TGM7: variants seen among roughly 807,000 people sequenced by gnomAD.
TGM7 encodes the protein protein-glutamine gamma-glutamyltransferase Z.
Under a neutral mutation model 79.5 loss-of-function variants are expected in TGM7, and 74 were observed. The ratio of observed to expected loss-of-function variants is 0.93; its 90% CI spans 0.77 to 1.13. The LOEUF (loss-of-function observed/expected upper bound fraction) is 1.13, where lower values mean the gene tolerates loss of function less well. Among genes scored for constraint, TGM7 ranks in the 50% most tolerant of loss-of-function variants. TGM7 has a pLI of 0.00. For synonymous variants in TGM7, 354 were observed against 362.5 expected (o/e 0.98, Z 0.27); for missense variants, 912 against 905.9 (o/e 1.01, Z -0.09).
chr15:43,296,872 G>C (rs755405808), intron 1 of TGM7, among the ~76,000 whole-genome samples: 6 of 152,130 alleles, frequency 3.9e-5, no homozygotes, highest in Admixed American at 1.3e-4. Context: ...TCATGTCAAA[G>C]AGACAATGAC....
intron 11 of TGM7, among the ~76,000 whole-genome samples, chr15:43,278,650 C>T (rs1048703680): frequency 7.9e-5 from 12 of 152,162 alleles, no homozygotes; most frequent in African/African-American, 2.2e-4. Context: ...GGCAAGGTCT[C>T]GCTATGTTGC....
intron 6 of TGM7, among the ~76,000 whole-genome samples, chr15:43,285,622 G>T (rs1248806210): frequency 6.6e-6 from 1 of 152,106 alleles, no homozygotes; most frequent in Admixed American, 6.5e-5. Flanking sequence ...GTAGGGGGAG[G>T]TATGAAAGAA....
At chr15:43,282,674 TA>T (rs2042915699) in intron 7 of TGM7, 54 bp from the exon 8 acceptor site, 1 of 1,358,778 alleles carries the variant, frequency 7.4e-7, no homozygotes. Flanking sequence ...TTTTGCCAGG[TA>T]CCAGGCACTA....
chr15:43,295,224 C>G (rs934595678), intron 1 of TGM7, among the ~76,000 whole-genome samples: 6 of 152,194 alleles, frequency 3.9e-5, no homozygotes, highest in African/African-American at 1.4e-4. Context: ...TGTTTCTAAG[C>G]ATTAGAGCCT....
chr15:43,285,237 T>C (rs1029402662), intron 6 of TGM7, among the ~76,000 whole-genome samples: 11 of 152,212 alleles, frequency 7.2e-5, no homozygotes, highest in African/African-American at 2.7e-4. Flanking sequence ...TCAGCAGCTT[T>C]CCAAGTTAAA....
intron 7 of TGM7, 79 bp from the exon 8 acceptor site, chr15:43,282,699 A>G (rs1207917958): frequency 2.8e-6 from 3 of 1,079,380 alleles, no homozygotes; most frequent in African/African-American, 1.6e-5. Context: ...GGAGTGATTT[A>G]TATCATTGTT....
At chr15:43,277,120 A>AGTGGC in intron 11 of TGM7, 125 bp from the exon 12 acceptor site, 2 of 1,260,330 alleles carry the variant, frequency 1.6e-6, no homozygotes, top group Non-Finnish European at 2.2e-6. Flanking sequence ...AATGTGCCAC[A>AGTGGC]GTGGCGAGGG....
At chr15:43,292,456 ACTCT>A (rs779249598) in intron 3 of TGM7, among the ~76,000 whole-genome samples, 2 of 152,004 alleles carry the variant, frequency 1.3e-5, no homozygotes, top group Non-Finnish European at 2.9e-5. Flanking sequence ...TATTCTAGCC[ACTCT>A]CTCTTTCTGT....
chr15:43,292,724 T>TA lies in TGM7; in HGVS notation c.423dup (p.Asn142Ter). The TA allele has an allele frequency of 6.2e-7, 1 of 1,614,126 alleles. No individual in the cohort carries two copies. The highest frequency in any genetic ancestry group is 8.5e-7 in the Non-Finnish European group (1 of 1,180,034). On this transcript the variant is annotated frameshift_variant, in exon 3 of 13. Coordinates refer to ENST00000452443, the MANE Select transcript of TGM7 (RefSeq NM_052955.3). LOFTEE classifies it high-confidence loss of function. ...CACATCCTACCTGGACTCCAAGGGT[T>TA]AAAAAGTAGGATGAAAGTTCCCAGC...
At chr15:43,281,145 T>C (rs2142403773) in intron 9 of TGM7, among the ~76,000 whole-genome samples, 1 of 152,364 alleles carries the variant, frequency 6.6e-6, no homozygotes, top group East Asian at 1.9e-4. Context: ...GTGCTTTCTA[T>C]GGACACTCAT....
At position 43,291,974 on chromosome 15, in the gene TGM7, G is replaced by T; in HGVS notation, c.558+5C>A. 1.2e-6 allele frequency: 2 copies of T among 1,609,850 alleles called. No homozygotes were observed. The highest frequency in any genetic ancestry group is 1.7e-6 in the Non-Finnish European group (2 of 1,176,270). Reference sequence around the variant, plus strand: ...CCCCAGGCCCACATTGGGTAATAGTGTTACCTGCCCGTAGTTCCAGGGCCA... The same window carrying T: ...CCCCAGGCCCACATTGGGTAATAGTTTTACCTGCCCGTAGTTCCAGGGCCA... On this transcript the variant is annotated splice_donor_5th_base_variant and intron_variant, in intron 4 of 12. Transcript: ENST00000452443.
chr15:43,287,299 G>T lies in TGM7; in HGVS notation c.846C>A (p.Phe282Leu), dbSNP rs1348350279. The T allele has an allele frequency of 1.2e-6, 2 of 1,613,372 alleles. No homozygotes were observed. The highest frequency in any genetic ancestry group is 1.7e-6 in the Non-Finnish European group (2 of 1,179,980). Residue 282 changes from phenylalanine (F) to leucine (L), a missense_variant, in exon 6 of 13, where the codon TTC becomes TTA. Physicochemically the swap from Phe to Leu is conservative, Grantham distance 22. Transcript: ENST00000452443. ...GCTCACCGGTGCACATAACAGAGGC[G>T]AAGACCCAGCACTGTCCGTACTTCA... ...QPVKYGQCWVFASVMCTVMRC... is the reference protein window; with the variant it reads ...QPVKYGQCWVLASVMCTVMRC...
chr15:43,292,617 G>A, intron 3 of TGM7, 92 bp downstream of exon 3: 1 of 1,505,962 alleles, frequency 6.6e-7, no homozygotes, highest in Non-Finnish European at 9.1e-7. Context: ...GCATAGCTAT[G>A]TGGCGATTTA....
In TGM7 at chr15:43,279,629, C is replaced by T. The variant is rs1211147512; in HGVS notation, c.1674G>A (p.Gly558=). 1.9e-6 allele frequency: 3 copies of T among 1,580,106 alleles called. No homozygotes were observed. In the African/African-American group the frequency reaches 4.0e-5, roughly 21 times the overall value. The change falls in exon 10 of 13, where the codon GGG becomes GGA. Residue 558 remains glycine, a synonymous_variant. Coordinates refer to ENST00000452443, the MANE Select transcript of TGM7 (RefSeq NM_052955.3). ...RHTVRMNLDF[G]KETQWPLLLP... is the part of the protein sequence containing the mutation. ...TCAGGCCTGCCTCACACTCACCCTTCCCAAAGTCCAGGTTCATCCGCACTG... is the reference window on the plus strand; with the variant it reads ...TCAGGCCTGCCTCACACTCACCCTTTCCAAAGTCCAGGTTCATCCGCACTG...
At chr15:43,282,752 G>A (rs1200171297) in intron 7 of TGM7, 132 bp from the exon 8 acceptor site, 1 of 768,610 alleles carries the variant, frequency 1.3e-6, no homozygotes, top group East Asian at 2.9e-5. Flanking sequence ...CATACTAAAA[G>A]TCACAAGAAT....
At chr15:43,292,464 T>C (rs1334074861) in intron 3 of TGM7, among the ~76,000 whole-genome samples, 1 of 152,236 alleles carries the variant, frequency 6.6e-6, no homozygotes, top group African/African-American at 2.4e-5. Context: ...CCACTCTCTC[T>C]TTCTGTGCAT....
chr15:43,293,619 C>T lies in TGM7; in HGVS notation c.23G>A (p.Arg8Gln), dbSNP rs376565619. Residue 8 changes from arginine to glutamine, a missense_variant, in exon 2 of 13, where the codon CGG becomes CAG. Coordinates refer to ENST00000452443, the MANE Select transcript of TGM7 (RefSeq NM_052955.3). MDQVATL[R>Q]LESVDLQSSR... Reference sequence around the variant, plus strand: ...GCTCTGCAGGTCGACAGACTCAAGCCGCAAGGTTGCCACTAGGGGAGAGGA... The same window carrying T: ...GCTCTGCAGGTCGACAGACTCAAGCTGCAAGGTTGCCACTAGGGGAGAGGA... The T allele has an allele frequency of 7.5e-6, 12 of 1,605,638 alleles. No individual in the cohort carries two copies. The East Asian group carries it at 2.0e-4, about 27-fold the overall frequency.
rs60842023 is a variant in TGM7, at chr15:43,297,522, GGAAA to G, written c.11-3895_11-3892del. ...AAGAAAGAAAGAAGGAAGGAAGGAA[GGAAA>G]GAAAGAAAGAAAGAGAAAAAGAAAG... On this transcript the variant is annotated intron_variant, in intron 1 of 12. Transcript: ENST00000452443. Among the ~76,000 whole-genome samples the G allele has an allele frequency of 4.7e-4, 61 of 129,478 alleles. 1 individual carries two copies. The highest frequency in any genetic ancestry group is 1.4e-3 in the African/African-American group (50 of 36,240). 84.9% of individuals were successfully genotyped at this position (129,478 alleles called of 152,430 possible).
Position 43,302,224 on chromosome 15 carries a change from C to G in TGM7, c.10+17G>C, listed in dbSNP as rs754850016. ...ACTTAGCACCTCCGAAAAGGTAAGTCGATTCCCAGTACTCACCCTGATCCA... is the reference window on the plus strand; with the variant it reads ...ACTTAGCACCTCCGAAAAGGTAAGTGGATTCCCAGTACTCACCCTGATCCA... On this transcript the variant is annotated intron_variant, in intron 1 of 12. Coordinates refer to ENST00000452443, the MANE Select transcript of TGM7 (RefSeq NM_052955.3). 1 of 1,614,012 alleles carries G rather than the reference C, an allele frequency of 6.2e-7. No individual in the cohort carries two copies. The highest frequency in any genetic ancestry group is 1.3e-5 in the African/African-American group (1 of 74,916).
Sources: gnomAD v4.1 joint callset for allele counts (sites outside exome capture counted in the v4.1 genomes callset) on GRCh38, gnomAD v4.1.1 for gene constraint, MANE v1.5 for transcripts, NCBI Gene and HGNC (gene_info 2026-07-23, HGNC 2026-07-21) for gene names.